NAV3: variants seen among roughly 807,000 people sequenced by gnomAD.
NAV3 encodes pore membrane and/or filament interacting like protein 1.
Under a neutral mutation model 244.7 loss-of-function variants are expected in NAV3, and 87 were observed. The observed-to-expected ratio is 0.36, with a 90% CI of 0.30 to 0.42. NAV3 has a LOEUF of 0.42. Among genes scored for constraint, NAV3 ranks in the 20% least tolerant of loss-of-function variants. NAV3 has a pLI of 1.00. For missense variants in NAV3, 2,663 were observed against 2,893.3 expected, an observed-to-expected ratio of 0.92 and a Z score of 1.83; for synonymous variants, 1,126 against 1,042.2, an observed-to-expected ratio of 1.08 and a Z score of -1.55.
intron 3 of NAV3, among the ~76,000 whole-genome samples, chr12:77,957,678 T>G (rs1445471277): frequency 6.6e-6 from 1 of 152,154 alleles, no homozygotes; most frequent in African/African-American, 2.4e-5. Context: ...AGTATTTTTT[T>G]TTTTGAGACA....
At chr12:77,915,896 C>A (rs1313291027) in intron 1 of NAV3, among the ~76,000 whole-genome samples, 1 of 151,988 alleles carries the variant, frequency 6.6e-6, no homozygotes, top group Non-Finnish European at 1.5e-5. Flanking sequence ...AGACAGAGTG[C>A]TGAATGACAT....
At chr12:77,774,055 A>T (rs1870232003) in intron 2 of NAV3, among the ~76,000 whole-genome samples, 1 of 152,170 alleles carries the variant, frequency 6.6e-6, no homozygotes, top group African/African-American at 2.4e-5. Context: ...GATTGTGTTT[A>T]TATTTTTTTA....
intron 3 of NAV3, among the ~76,000 whole-genome samples, chr12:77,957,036 C>A (rs967602783): frequency 1.3e-5 from 2 of 152,196 alleles, no homozygotes; most frequent in Non-Finnish European, 2.9e-5. Context: ...AGCCACCACA[C>A]CCAGGCCCAA....
At chr12:77,684,964 C>G (rs546172443) in intron 2 of NAV3, among the ~76,000 whole-genome samples, 1 of 152,038 alleles carries the variant, frequency 6.6e-6, no homozygotes, top group Non-Finnish European at 1.5e-5. Context: ...AGAATCATTA[C>G]GGACTGTGTA....
At chr12:77,698,312 C>T (rs928678459) in intron 2 of NAV3, among the ~76,000 whole-genome samples, 7 of 152,060 alleles carry the variant, frequency 4.6e-5, no homozygotes, top group African/African-American at 1.7e-4. Flanking sequence ...AGCTGGCTTG[C>T]CTGCGAATCA....
At chr12:78,156,289 C>T (rs1274644958) in intron 22 of NAV3, among the ~76,000 whole-genome samples, 1 of 151,840 alleles carries the variant, frequency 6.6e-6, no homozygotes, top group African/African-American at 2.4e-5. Context: ...TCAGGTTTGT[C>T]GAAGATCAGA....
intron 2 of NAV3, among the ~76,000 whole-genome samples, chr12:77,663,431 A>G (rs1006743853): frequency 3.3e-5 from 5 of 152,210 alleles, no homozygotes; most frequent in Admixed American, 6.5e-5. Flanking sequence ...GAAACATACA[A>G]ACAAAAAGAT....
intron 12 of NAV3, among the ~76,000 whole-genome samples, chr12:78,094,047 C>A (rs973386493): frequency 9.2e-5 from 14 of 152,186 alleles, no homozygotes; most frequent in South Asian, 2.1e-4. Flanking sequence ...GCCATGTGGC[C>A]CAGGCTGGTC....
At chr12:77,957,933 T>C (rs1724103171) in intron 3 of NAV3, among the ~76,000 whole-genome samples, 1 of 152,212 alleles carries the variant, frequency 6.6e-6, no homozygotes, top group South Asian at 2.1e-4. Context: ...CCCTAAGTGC[T>C]GGGATTACAG....
intron 5 of NAV3, among the ~76,000 whole-genome samples, chr12:77,985,224 T>A (rs1870282246): frequency 1.3e-5 from 2 of 152,342 alleles, no homozygotes; most frequent in South Asian, 2.1e-4. Flanking sequence ...CCAAATTAAA[T>A]CTTTCTGACA....
At chr12:78,141,612 C>T (rs1274333757) in intron 20 of NAV3, among the ~76,000 whole-genome samples, 2 of 152,114 alleles carry the variant, frequency 1.3e-5, no homozygotes, top group African/African-American at 4.8e-5. Context: ...CATTCAAAAT[C>T]TGACTGTTAT....
chr12:77,744,555 G>A (rs999326771), intron 2 of NAV3, among the ~76,000 whole-genome samples: 6 of 151,776 alleles, frequency 4.0e-5, no homozygotes, highest in Non-Finnish European at 8.8e-5. Flanking sequence ...TCAAGGCTTT[G>A]ATTTTCTGAA....
intron 1 of NAV3, among the ~76,000 whole-genome samples, chr12:77,846,094 A>G (rs955304195): frequency 7.2e-5 from 11 of 152,218 alleles, no homozygotes; most frequent in African/African-American, 2.4e-4. Flanking sequence ...GGAAAGGGAT[A>G]GGCTTATGTA....
intron 38 of NAV3, among the ~76,000 whole-genome samples, chr12:78,202,697 C>G (rs1327942436): frequency 6.6e-6 from 1 of 152,012 alleles, no homozygotes; most frequent in Middle Eastern, 3.4e-3. Context: ...ATGAATCAAC[C>G]GTGATTTAGG....
chr12:77,864,610 A>G (rs148451368), intron 1 of NAV3, among the ~76,000 whole-genome samples: 1,711 of 152,118 alleles, frequency 0.011, 31 homozygotes, highest in African/African-American at 0.039. Context: ...TCTCAGGAAT[A>G]TATTCCAATA....
At chr12:78,195,369 A>C (rs185930555) in intron 34 of NAV3, among the ~76,000 whole-genome samples, 1 of 151,550 alleles carries the variant, frequency 6.6e-6, no homozygotes, top group East Asian at 1.9e-4. Flanking sequence ...TATTATTATT[A>C]TTATTTGCTT....
At chr12:77,943,389 AAGAATG>A (rs1327588450) in intron 3 of NAV3, among the ~76,000 whole-genome samples, 5 of 152,178 alleles carry the variant, frequency 3.3e-5, no homozygotes, top group Admixed American at 1.3e-4. Flanking sequence ...AATATTGACT[AAGAATG>A]ACTTAGATCC....
At chr12:77,947,162 G>A (rs1365811964) in intron 3 of NAV3, among the ~76,000 whole-genome samples, 4 of 151,968 alleles carry the variant, frequency 2.6e-5, no homozygotes, top group Non-Finnish European at 5.9e-5. Context: ...ATTAGATTTA[G>A]GTCTTTACTG....
At chr12:78,062,978 G>A (rs1193586663) in intron 12 of NAV3, among the ~76,000 whole-genome samples, 1 of 152,096 alleles carries the variant, frequency 6.6e-6, no homozygotes, top group African/African-American at 2.4e-5. Flanking sequence ...CACAATGGCA[G>A]CCAGCCAGCT....
Sources: gnomAD v4.1 joint callset for allele counts (sites outside exome capture counted in the v4.1 genomes callset) on GRCh38, gnomAD v4.1.1 for gene constraint, MANE v1.5 for transcripts, NCBI Gene and HGNC (gene_info 2026-07-23, HGNC 2026-07-21) for gene names.